The following EEF2K variants were observed in gnomAD, a reference collection of about 807,000 sequenced individuals.
The protein encoded by EEF2K is alternative protein EEF2K.
In EEF2K, 70 loss-of-function variants were observed where a neutral mutation model predicts 93.8. The observed-to-expected ratio is 0.75, with a 90% CI of 0.62 to 0.91. The LOEUF (loss-of-function observed/expected upper bound fraction) is 0.91, where lower values mean the gene tolerates loss of function less well. Among genes scored for constraint, EEF2K ranks in the 40% least tolerant of loss-of-function variants. The probability of loss-of-function intolerance (pLI) is 0.00; values close to 1 mark genes in which losing one functional copy is unlikely to be tolerated. For missense variants in EEF2K, 935 were observed against 972.9 expected, an observed-to-expected ratio of 0.96 and a Z score of 0.52; for synonymous variants, 376 against 380.8, an observed-to-expected ratio of 0.99 and a Z score of 0.15.
At chr16:22,233,797 C>G (rs1343478850) in intron 2 of EEF2K, among the ~76,000 whole-genome samples, 1 of 152,152 alleles carries the variant, frequency 6.6e-6, no homozygotes, top group East Asian at 1.9e-4. Context: ...TAGGGTTGCC[C>G]AGGCAGAAGT....
intron 16 of EEF2K, among the ~76,000 whole-genome samples, chr16:22,275,588 C>T (rs1176428272): frequency 6.6e-6 from 1 of 152,020 alleles, no homozygotes; most frequent in Non-Finnish European, 1.5e-5. Flanking sequence ...GGCAGTCTAC[C>T]TGCCTCTGCC....
chr16:22,266,346 C>T (rs781716210), intron 13 of EEF2K, 44 bp from the exon 14 acceptor site: 65 of 1,579,530 alleles, frequency 4.1e-5, no homozygotes, highest in Non-Finnish European at 5.2e-5. Context: ...GATGCTGCGT[C>T]CACCCCCAGC....
At chr16:22,267,845 C>T (rs1278211755) in intron 15 of EEF2K, among the ~76,000 whole-genome samples, 1 of 152,152 alleles carries the variant, frequency 6.6e-6, no homozygotes, top group Non-Finnish European at 1.5e-5. Flanking sequence ...GTCCCTGGTC[C>T]GTGAGCAGAG....
intron 1 of EEF2K, among the ~76,000 whole-genome samples, chr16:22,211,151 C>A (rs2046909923): frequency 6.6e-6 from 1 of 152,166 alleles, no homozygotes; most frequent in Admixed American, 6.5e-5. Context: ...TTTCAGGCCC[C>A]CTCTCTCACT....
At chr16:22,220,929 G>T (rs1056753259) in intron 1 of EEF2K, among the ~76,000 whole-genome samples, 1 of 152,198 alleles carries the variant, frequency 6.6e-6, no homozygotes, top group African/African-American at 2.4e-5. Context: ...GCTGACCAGG[G>T]CAGAGTAGGC....
intron 1 of EEF2K, among the ~76,000 whole-genome samples, chr16:22,216,228 C>T (rs2046956364): frequency 6.6e-6 from 1 of 152,182 alleles, no homozygotes; most frequent in African/African-American, 2.4e-5. Flanking sequence ...ATCTTCAGAA[C>T]AAGCCAGGTG....
rs2047741891 is a variant in EEF2K at position 22,285,070 on chromosome 16, C to A, written c.*1074C>A. The A allele has an allele frequency of 6.6e-6, 1 of 152,624 alleles. No homozygotes were observed. Among genetic ancestry groups the A allele is most frequent in the African/African-American group, 2.4e-5 (1 of 41,444 alleles). The allele number at this position is 152,624 out of a possible 1,614,324, so 9.5% of individuals were successfully genotyped here. On this transcript the variant is annotated 3_prime_UTR_variant, in exon 18 of 18. Transcript: ENST00000263026. ...GTATGCACACGTTTACTACCTCTAA[C>A]TCCTACATCAGCTAGTGTGGAAGAG...
intron 6 of EEF2K, among the ~76,000 whole-genome samples, chr16:22,255,874 C>T (rs1322461201): frequency 2.0e-5 from 3 of 151,734 alleles, no homozygotes; most frequent in African/African-American, 7.3e-5. Flanking sequence ...TATGACACTG[C>T]ACTCCAGCCT....
At chr16:22,263,304 G>A (rs971689512) in intron 12 of EEF2K, 117 bp downstream of exon 12, 35 of 895,736 alleles carry the variant, frequency 3.9e-5, no homozygotes, top group Non-Finnish European at 5.0e-5. Flanking sequence ...AAGATAACAA[G>A]TAAATTAATA....
At chr16:22,217,348 A>G (rs1476424220) in intron 1 of EEF2K, among the ~76,000 whole-genome samples, 1 of 151,960 alleles carries the variant, frequency 6.6e-6, no homozygotes, top group Non-Finnish European at 1.5e-5. Flanking sequence ...ACTAGAGTTG[A>G]GCAGTACCCC....
intron 1 of EEF2K, among the ~76,000 whole-genome samples, chr16:22,213,017 C>T (rs1161092221): frequency 1.3e-5 from 2 of 152,020 alleles, no homozygotes; most frequent in Non-Finnish European, 2.9e-5. Context: ...CAGTGGCTCA[C>T]GCCTGTAATC....
rs553013823 is a variant in EEF2K at position 22,226,517 on chromosome 16, C to CTTTTTT, written c.246+552_246+557dup. 9.7e-4 allele frequency among the ~76,000 whole-genome samples: 104 copies of CTTTTTT among 106,872 alleles called. 7 individuals are homozygous for CTTTTTT. Among genetic ancestry groups the CTTTTTT allele is most frequent in the South Asian group, 3.6e-3 (12 of 3,316 alleles). The allele number at this position is 106,872 out of a possible 152,430, so 70.1% of individuals were successfully genotyped here. A position where few individuals can be genotyped will look rare whatever the true frequency, so the allele number is the denominator to read the frequency against. On this transcript the variant is annotated intron_variant, in intron 2 of 17. Transcript: ENST00000263026. ...CTTTTTCTTTCTTTTCCTTCTTCTT[C>CTTTTTT]TTTTTTTTTTTTTTTATAAACGTGG... is the stretch of plus-strand genomic sequence containing the variant.
At chr16:22,232,115 C>G (rs1029359499) in intron 2 of EEF2K, among the ~76,000 whole-genome samples, 2 of 151,686 alleles carry the variant, frequency 1.3e-5, no homozygotes, top group African/African-American at 4.8e-5. Context: ...CATCTGGAAG[C>G]TCCTGGAATG....
At chr16:22,277,038 C>A (rs1391747331) in intron 16 of EEF2K, among the ~76,000 whole-genome samples, 1 of 151,844 alleles carries the variant, frequency 6.6e-6, no homozygotes, top group African/African-American at 2.4e-5. Flanking sequence ...CCACTCCAGC[C>A]TGGGCAACAA....
chr16:22,261,437 C>T (rs2047461002), intron 11 of EEF2K, among the ~76,000 whole-genome samples: 1 of 152,016 alleles, frequency 6.6e-6, no homozygotes, highest in Admixed American at 6.6e-5. Flanking sequence ...GCCTGTAATC[C>T]CAGCACTTTG....
chr16:22,273,056 C>T (rs1344009759), intron 15 of EEF2K, among the ~76,000 whole-genome samples: 1 of 152,100 alleles, frequency 6.6e-6, no homozygotes, highest in Non-Finnish European at 1.5e-5. Context: ...GGGTTTTTTG[C>T]TTCACCCAGA....
In EEF2K at chr16:22,283,965, C is replaced by G; in HGVS notation, c.2147C>G (p.Ala716Gly). 6.3e-7 allele frequency: 1 copy of G among 1,588,208 alleles called. No homozygotes were observed. Among genetic ancestry groups the G allele is most frequent in the Non-Finnish European group, 8.6e-7 (1 of 1,167,136 alleles). ...GRLANQYYQK[A>G]EEAWAQMEE is the part of the protein sequence containing the mutation. ...CTGGCCAACCAGTACTACCAAAAGG[C>G]TGAAGAGGCCTGGGCCCAGATGGAG... Residue 716 changes from alanine to glycine, a missense_variant, in exon 18 of 18, where the codon GCT (alanine) becomes GGT (glycine). Transcript: ENST00000263026.
chr16:22,212,328 C>CTT (rs769233604), intron 1 of EEF2K, among the ~76,000 whole-genome samples: 11 of 144,834 alleles, frequency 7.6e-5, no homozygotes, highest in African/African-American at 1.5e-4. Flanking sequence ...CTGTCTCTTT[C>CTT]TTTTTTTTTT....
intron 1 of EEF2K, among the ~76,000 whole-genome samples, chr16:22,212,156 C>A (rs1004322886): frequency 6.6e-6 from 1 of 152,160 alleles, no homozygotes; most frequent in African/African-American, 2.4e-5. Flanking sequence ...ATGCATTTTT[C>A]AGATTCCTGA....
Sources: allele counts gnomAD v4.1 joint callset (sites outside exome capture counted in the v4.1 genomes callset), GRCh38; gene constraint gnomAD v4.1.1; transcripts MANE v1.5; gene names NCBI Gene and HGNC (gene_info 2026-07-23, HGNC 2026-07-21).